The following GNB5 variants were observed in gnomAD, a reference collection of about 807,000 sequenced individuals.
GNB5 encodes the protein guanine nucleotide-binding protein subunit beta-5.
A neutral mutation model predicts 55.3 loss-of-function variants in GNB5; 37 were observed. That is an observed-to-expected ratio of 0.67 (90% CI 0.51 to 0.88). The LOEUF is 0.88. GNB5 is among the 40% of genes least tolerant of loss of function. The probability of loss-of-function intolerance (pLI) is 0.00; values close to 1 mark genes in which losing one functional copy is unlikely to be tolerated. For missense variants in GNB5, 476 were observed against 515.3 expected (o/e 0.92, Z 0.74); for synonymous variants, 219 against 198.5 (o/e 1.10, Z -0.87).
At chr15:52,181,355 C>T (rs2034766176) in intron 2 of GNB5, among the ~76,000 whole-genome samples, 1 of 152,156 alleles carries the variant, frequency 6.6e-6, no homozygotes, top group African/African-American at 2.4e-5. Flanking sequence ...GTGGTTCACA[C>T]CTGTAATCCC....
In GNB5 at chr15:52,128,260, A is replaced by C; in HGVS notation, c.864-16T>G. The C allele has an allele frequency of 6.3e-7, 1 of 1,582,106 alleles. No individual in the cohort carries two copies. The highest frequency in any genetic ancestry group is 1.7e-4 in the Middle Eastern group (1 of 6,014). ...GGGGTAGTACCTGCAGAGAGAAAGT[A>C]CTTTATCTACGGTTGTGACTCCTGA... On this transcript the variant is annotated splice_polypyrimidine_tract_variant and intron_variant, in intron 9 of 12. Coordinates refer to ENST00000261837, the MANE Select transcript of GNB5 (RefSeq NM_016194.4).
chr15:52,186,947 A>G (rs567086975), intron 1 of GNB5, among the ~76,000 whole-genome samples: 2 of 152,296 alleles, frequency 1.3e-5, no homozygotes, highest in South Asian at 4.1e-4. Context: ...CCAGCTACCA[A>G]CTGCCACAGA....
chr15:52,138,580 C>T (rs1400284391), intron 7 of GNB5: 1 of 152,122 alleles, frequency 6.6e-6, no homozygotes, highest in Non-Finnish European at 1.5e-5. Context: ...TATGGACACA[C>T]AAAACCTGAA....
intron 6 of GNB5, 141 bp downstream of exon 6, chr15:52,147,318 A>G (rs1451003934): frequency 1.4e-5 from 9 of 658,094 alleles, no homozygotes; most frequent in African/African-American, 1.3e-4. Flanking sequence ...TTCTTCTTTG[A>G]TCAAGTTCAG....
At chr15:52,175,913 A>G (rs1445723732) in intron 3 of GNB5, among the ~76,000 whole-genome samples, 3 of 150,724 alleles carry the variant, frequency 2.0e-5, no homozygotes, top group East Asian at 3.9e-4. Context: ...GCCAGGTGTG[A>G]TGGCATGTGC....
chr15:52,179,670 C>A (rs2141239899), intron 3 of GNB5, 98 bp downstream of exon 3: 2 of 698,820 alleles, frequency 2.9e-6, no homozygotes, highest in African/African-American at 1.9e-5. Context: ...GCCTGGCTCC[C>A]GTCGCAGCCA....
Position 52,152,845 on chromosome 15 carries a change from G to A in GNB5, c.375+1095C>T, listed in dbSNP as rs149005469. Among the ~76,000 whole-genome samples the A allele has an allele frequency of 5.3e-4, 81 of 152,068 alleles. No homozygotes were observed. In the East Asian group the frequency reaches 0.013, roughly 25 times the overall value. ...AGACGAGGTCTCACCATTTGGTCTC[G>A]AACTCCTGGATTCAAGTGATCCTCC... is the stretch of plus-strand genomic sequence containing the variant. On this transcript the variant is annotated intron_variant, in intron 4 of 12. Transcript: ENST00000261837.
chr15:52,151,746 T>A lies in GNB5; in HGVS notation c.376-1821A>T, dbSNP rs17650279. 8.0e-3 allele frequency among the ~76,000 whole-genome samples: 1,214 copies of A among 152,242 alleles called. 42 individuals are homozygous for A. The highest frequency in any genetic ancestry group is 0.054 in the Admixed American group (825 of 15,290). On this transcript the variant is annotated intron_variant, in intron 4 of 12. Transcript: ENST00000261837. ...GAAGTCAAAAGGCTAGAGAGCGACA[T>A]GGATATCCTGATAAGCACCTTATAA...
At chr15:52,171,679 T>C (rs955980390) in intron 3 of GNB5, among the ~76,000 whole-genome samples, 1 of 152,218 alleles carries the variant, frequency 6.6e-6, no homozygotes, top group Admixed American at 6.5e-5. Flanking sequence ...GATCACATTT[T>C]CTTAGAATAT....
At chr15:52,139,455 C>CA (rs1230070640) in intron 7 of GNB5, 1 of 157,118 alleles carries the variant, frequency 6.4e-6, no homozygotes, top group Non-Finnish European at 1.4e-5. Context: ...GACCCTGTCT[C>CA]AAAAAACAAA....
intron 12 of GNB5, among the ~76,000 whole-genome samples, chr15:52,123,875 GC>G (rs968335681): frequency 6.6e-6 from 1 of 151,878 alleles, no homozygotes; most frequent in Admixed American, 6.6e-5. Flanking sequence ...TTTTGGGTGA[GC>G]CAACACTCAA....
At position 52,135,957 on chromosome 15, in the gene GNB5, G is replaced by A. The variant is rs2033697588; in HGVS notation, c.628-201C>T. 2.1e-5 allele frequency: 11 copies of A among 534,820 alleles called. No individual in the cohort carries two copies. In the East Asian group the frequency reaches 3.9e-4, roughly 19 times the overall value. The allele number at this position is 534,820 out of a possible 1,614,324, so 33.1% of individuals were successfully genotyped here. A position where few individuals can be genotyped will look rare whatever the true frequency, so the allele number is the denominator to read the frequency against. ...TCTCCTATACAAAGAAGGAAAGAGT[G>A]CATTTCCTACACCCTCACAGTCCTT... On this transcript the variant is annotated intron_variant, in intron 7 of 12. Transcript: ENST00000261837.
chr15:52,186,650 A>T (rs574103798), intron 1 of GNB5, among the ~76,000 whole-genome samples: 2 of 152,342 alleles, frequency 1.3e-5, no homozygotes, highest in Non-Finnish European at 2.9e-5. Context: ...AGCCCCGTCA[A>T]GATTCAAAGA....
chr15:52,120,193 G>A lies in GNB5; in HGVS notation c.*2564C>T, dbSNP rs2141176557. 1 of 152,262 alleles carries A rather than the reference G, an allele frequency of 6.6e-6. No homozygotes were observed. Among genetic ancestry groups the A allele is most frequent in the East Asian group, 1.9e-4 (1 of 5,182 alleles). The allele number at this position is 152,262 out of a possible 1,614,324, so 9.4% of individuals were successfully genotyped here. A position where few individuals can be genotyped will look rare whatever the true frequency, so the allele number is the denominator to read the frequency against. On this transcript the variant is annotated 3_prime_UTR_variant, in exon 13 of 13. Transcript: ENST00000261837. Reference sequence around the variant, plus strand: ...TCTGTTTGGCCCCTTCACCACAATTGGTTTGGTAGGTTTATCCCCAAGTCC... The same window carrying A: ...TCTGTTTGGCCCCTTCACCACAATTAGTTTGGTAGGTTTATCCCCAAGTCC...
intron 7 of GNB5, among the ~76,000 whole-genome samples, chr15:52,136,172 A>AC (rs1555405462): frequency 0.016 from 1,607 of 100,066 alleles, 57 homozygotes; most frequent in African/African-American, 0.024. Flanking sequence ...ACACACACAC[A>AC]CCCTACCTGC....
chr15:52,132,488 GT>G (rs75509196), intron 9 of GNB5, among the ~76,000 whole-genome samples: 796 of 134,006 alleles, frequency 5.9e-3, no homozygotes, highest in Non-Finnish European at 9.4e-3. Flanking sequence ...GTTTGTTTGG[GT>G]TTTTTTTTTT....
intron 7 of GNB5, among the ~76,000 whole-genome samples, chr15:52,140,925 A>G (rs530816502): frequency 2.6e-5 from 4 of 151,570 alleles, no homozygotes; most frequent in African/African-American, 9.8e-5. Context: ...TATGCCATGC[A>G]GTTTTATCTC....
chr15:52,144,864 G>C (rs990187953), intron 6 of GNB5, among the ~76,000 whole-genome samples: 3 of 152,212 alleles, frequency 2.0e-5, no homozygotes, highest in Non-Finnish European at 4.4e-5. Context: ...AACGCCGTCA[G>C]TGACCACACC....
intron 3 of GNB5, among the ~76,000 whole-genome samples, chr15:52,156,032 CT>C (rs150576674): frequency 0.011 from 1,697 of 152,280 alleles, 23 homozygotes; most frequent in African/African-American, 0.039. Context: ...ATCTTTCTCA[CT>C]CCATCCTTCC....
Sources: allele counts gnomAD v4.1 joint callset (sites outside exome capture counted in the v4.1 genomes callset), GRCh38; gene constraint gnomAD v4.1.1; transcripts MANE v1.5; gene names NCBI Gene and HGNC (gene_info 2026-07-23, HGNC 2026-07-21).